SYNPO2: variants seen among roughly 807,000 people sequenced by gnomAD.
The protein encoded by SYNPO2 is synaptopodin-2.
In SYNPO2, 56 loss-of-function variants were observed where a neutral mutation model predicts 85.0. The ratio of observed to expected loss-of-function variants is 0.66; its 90% confidence interval spans 0.53 to 0.82. SYNPO2 has a LOEUF of 0.82. Ranked by LOEUF, SYNPO2 falls within the 40% of genes least tolerant of loss-of-function variation. SYNPO2 has a pLI of 0.00. For missense variants in SYNPO2, 1,575 were observed against 1,534.2 expected (o/e 1.03, Z -0.44); for synonymous variants, 602 against 591.1 (o/e 1.02, Z -0.27).
At position 119,059,508 on chromosome 4, in the gene SYNPO2, TA is replaced by T. The variant is rs1561040108; in HGVS notation, c.*1581del. 1 of 152,020 alleles carries T rather than the reference TA, an allele frequency of 6.6e-6. No homozygotes were observed. Among genetic ancestry groups the T allele is most frequent in the Admixed American group, 6.6e-5 (1 of 15,260 alleles). 9.4% of individuals were successfully genotyped at this position (152,020 alleles called of 1,614,324 possible). A position where few individuals can be genotyped will look rare whatever the true frequency, so the allele number is the denominator to read the frequency against. ...TGCCATACCCACGAACTGTTAAATA[TA>T]AAAAAATTCAAAGTATTTGACATCT... On this transcript the variant is annotated 3_prime_UTR_variant, in exon 5 of 5. Coordinates refer to ENST00000307142, the MANE Select transcript of SYNPO2 (RefSeq NM_133477.3).
chr4:118,960,300 A>G, intron 1 of SYNPO2, among the ~76,000 whole-genome samples: 1 of 152,228 alleles, frequency 6.6e-6, no homozygotes, highest in Non-Finnish European at 1.5e-5. Flanking sequence ...GATATTCAAC[A>G]TCATTAGCCA....
intron 1 of SYNPO2, among the ~76,000 whole-genome samples, chr4:118,922,126 C>T (rs997882445): frequency 7.9e-5 from 12 of 152,012 alleles, no homozygotes; most frequent in African/African-American, 2.9e-4. Flanking sequence ...AGTGAATGTC[C>T]AAGGCAAGCT....
intron 1 of SYNPO2, among the ~76,000 whole-genome samples, chr4:118,881,671 G>C (rs1205808334): frequency 6.6e-6 from 1 of 152,250 alleles, no homozygotes; most frequent in Non-Finnish European, 1.5e-5. Context: ...AGTAGTAGCA[G>C]TGGTAGTTTT....
In SYNPO2 at chr4:119,007,216, GTATATATATATATA is replaced by G. The variant is rs66895824; in HGVS notation, c.106-16198_106-16185del. On this transcript the variant is annotated intron_variant, in intron 1 of 4. Transcript: ENST00000307142. ...ATTCCCAAAACAAAAAAGAACAAAG[GTATATATATATATA>G]TATATATATATATATGTATATACAT... 4.8e-3 allele frequency among the ~76,000 whole-genome samples: 223 copies of G among 46,278 alleles called. 6 individuals are homozygous for G. The highest frequency in any genetic ancestry group is 0.012 in the African/African-American group (169 of 14,534). 30.4% of individuals were successfully genotyped at this position (46,278 alleles called of 152,430 possible).
At chr4:118,992,319 A>G (rs145493131) in intron 1 of SYNPO2, among the ~76,000 whole-genome samples, 8 of 152,324 alleles carry the variant, frequency 5.3e-5, no homozygotes, top group Non-Finnish European at 1.0e-4. Flanking sequence ...AAGGACTGAA[A>G]TAAAACTGTG....
chr4:118,961,125 C>A (rs1453359681), intron 1 of SYNPO2, among the ~76,000 whole-genome samples: 1 of 120,590 alleles, frequency 8.3e-6, no homozygotes, highest in Admixed American at 1.1e-4. Flanking sequence ...TCCAGGGACA[C>A]TTGGCAATGT....
At chr4:119,029,103 C>T (rs1052267257) in intron 3 of SYNPO2, among the ~76,000 whole-genome samples, 1 of 151,876 alleles carries the variant, frequency 6.6e-6, no homozygotes, top group Non-Finnish European at 1.5e-5. Context: ...TATTGTATTT[C>T]CAAAATAGCA....
intron 4 of SYNPO2, chr4:119,036,248 G>C (rs991462920): frequency 1.0e-6 from 1 of 985,276 alleles, no homozygotes; most frequent in African/African-American, 1.7e-5. Flanking sequence ...GGGAAGTCGT[G>C]GGGCGTGTGC....
intron 1 of SYNPO2, among the ~76,000 whole-genome samples, chr4:118,852,987 A>T (rs56812813): frequency 6.6e-6 from 1 of 152,094 alleles, no homozygotes; most frequent in Non-Finnish European, 1.5e-5. Context: ...TTAAATATTA[A>T]GAAATTGTCA....
In SYNPO2 at chr4:118,905,297, G is replaced by C. The variant is rs956654984; in HGVS notation, c.105+16156G>C. On this transcript the variant is annotated intron_variant, in intron 1 of 4. Coordinates refer to ENST00000307142, the MANE Select transcript of SYNPO2 (RefSeq NM_133477.3). The stretch of plus-strand genomic sequence containing the variant: ...AAATTCCTTCTTCTCTCTATTCACT[G>C]CTCCTATTCTCTTAATTGCCATTCT... Among the ~76,000 whole-genome samples the C allele has an allele frequency of 5.3e-5, 8 of 152,008 alleles. No individual in the cohort carries two copies. In the South Asian group the frequency reaches 1.0e-3, roughly 20 times the overall value.
intron 1 of SYNPO2, among the ~76,000 whole-genome samples, chr4:118,898,390 T>A (rs1732616496): frequency 6.6e-6 from 1 of 152,180 alleles, no homozygotes; most frequent in Non-Finnish European, 1.5e-5. Flanking sequence ...GGTTTCACAT[T>A]CCTTGAGTTC....
intron 4 of SYNPO2, chr4:119,037,195 A>G: frequency 6.5e-7 from 1 of 1,540,026 alleles, no homozygotes; most frequent in Non-Finnish European, 8.8e-7. Context: ...CCTGATAATG[A>G]TAATACTCAA....
chr4:118,866,343 G>A (rs1339098868), intron 1 of SYNPO2, among the ~76,000 whole-genome samples: 1 of 152,124 alleles, frequency 6.6e-6, no homozygotes, highest in Non-Finnish European at 1.5e-5. Flanking sequence ...AACATTGTCA[G>A]ATGTGCTGTG....
intron 4 of SYNPO2, 54 bp downstream of exon 4, chr4:119,032,081 C>T (rs1293896415): frequency 6.3e-7 from 1 of 1,590,948 alleles, no homozygotes; most frequent in Admixed American, 1.8e-5. Context: ...GCTGAGTGTC[C>T]ACTTTGCTTG....
chr4:118,922,708 G>A (rs965907684), intron 1 of SYNPO2, among the ~76,000 whole-genome samples: 5 of 151,060 alleles, frequency 3.3e-5, no homozygotes, highest in Admixed American at 2.6e-4. Flanking sequence ...AGATCAACTG[G>A]CATTTTCTGA....
chr4:119,007,363 G>T (rs1430272720), intron 1 of SYNPO2, among the ~76,000 whole-genome samples: 1 of 141,460 alleles, frequency 7.1e-6, no homozygotes, highest in African/African-American at 2.6e-5. Context: ...TGGAAGGCAT[G>T]GGAGAAAAAG....
intron 1 of SYNPO2, among the ~76,000 whole-genome samples, chr4:118,902,377 C>A (rs1040743934): frequency 6.6e-6 from 1 of 152,108 alleles, no homozygotes; most frequent in Non-Finnish European, 1.5e-5. Flanking sequence ...CACAGTTCCA[C>A]GTGGCTGGAA....
chr4:118,943,964 C>A (rs762266264), intron 1 of SYNPO2, among the ~76,000 whole-genome samples: 1 of 152,108 alleles, frequency 6.6e-6, no homozygotes. Context: ...GTGGAAGTAA[C>A]GCCACATTTG....
intron 1 of SYNPO2, among the ~76,000 whole-genome samples, chr4:119,011,955 C>T (rs1737320648): frequency 7.4e-6 from 1 of 135,766 alleles, no homozygotes. Context: ...TGGAGTCTCA[C>T]TCTATCACCC....
Sources: gnomAD v4.1 joint callset for allele counts (sites outside exome capture counted in the v4.1 genomes callset) on GRCh38, gnomAD v4.1.1 for gene constraint, MANE v1.5 for transcripts, NCBI Gene and HGNC (gene_info 2026-07-23, HGNC 2026-07-21) for gene names.